The following ADGRA3 variants were observed in gnomAD, a reference collection of about 807,000 sequenced individuals.
ADGRA3 encodes the protein adhesion G protein-coupled receptor A3, also known as G-protein coupled receptor 125.
ADGRA3 carries 56 observed loss-of-function variants against 119.8 expected under a neutral mutation model. That is an observed-to-expected ratio of 0.47 (90% CI 0.38 to 0.58). The LOEUF is 0.58. Among genes scored for constraint, ADGRA3 ranks in the 20% least tolerant of loss-of-function variants. ADGRA3 has a pLI of 0.00. For synonymous variants in ADGRA3, 607 were observed against 623.8 expected (o/e 0.97, Z 0.40); for missense variants, 1,516 against 1,649.0 (o/e 0.92, Z 1.40).
At chr4:22,507,003 C>G (rs1429270700) in intron 1 of ADGRA3, among the ~76,000 whole-genome samples, 1 of 151,926 alleles carries the variant, frequency 6.6e-6, no homozygotes, top group Admixed American at 6.6e-5. Context: ...TTTGGGAGGT[C>G]AAGGCGGGCG....
chr4:22,496,947 T>C (rs6837010), intron 1 of ADGRA3, among the ~76,000 whole-genome samples: 149,841 of 152,260 alleles, frequency 0.98, 73,781 homozygotes, highest in Middle Eastern at 1. Flanking sequence ...CTTCCAATAC[T>C]TACTCCCAAT....
chr4:22,451,297 C>G (rs1577356910), intron 4 of ADGRA3, among the ~76,000 whole-genome samples: 2 of 151,600 alleles, frequency 1.3e-5, no homozygotes, highest in Admixed American at 1.3e-4. Flanking sequence ...AAATTTTGAT[C>G]TGTAGATCTC....
intron 16 of ADGRA3, among the ~76,000 whole-genome samples, chr4:22,398,679 A>G (rs1323926818): frequency 1.3e-5 from 2 of 151,986 alleles, no homozygotes; most frequent in Non-Finnish European, 1.5e-5. Context: ...TATCGGACTT[A>G]CTTTTCAACT....
intron 15 of ADGRA3, among the ~76,000 whole-genome samples, chr4:22,402,103 T>G (rs1714687938): frequency 6.6e-6 from 1 of 152,166 alleles, no homozygotes; most frequent in African/African-American, 2.4e-5. Context: ...GGAAGACACA[T>G]TCTAGCAAAA....
chr4:22,508,883 C>T (rs1375888523), intron 1 of ADGRA3, among the ~76,000 whole-genome samples: 2 of 152,152 alleles, frequency 1.3e-5, no homozygotes, highest in Non-Finnish European at 2.9e-5. Context: ...TTCCTCTTGG[C>T]CCATTTTCCC....
At chr4:22,390,333 T>TAC (rs1210809653) in intron 17 of ADGRA3, among the ~76,000 whole-genome samples, 2 of 131,996 alleles carry the variant, frequency 1.5e-5, no homozygotes, top group East Asian at 6.0e-4. Flanking sequence ...TATATATATA[T>TAC]ATATAAAATA....
intron 16 of ADGRA3, chr4:22,394,054 G>A (rs1219832864): frequency 1.3e-5 from 2 of 152,236 alleles, no homozygotes; most frequent in Admixed American, 1.3e-4. Context: ...TGTCACTGGA[G>A]TATCAAGGAC....
At chr4:22,459,071 G>A (rs1461711607) in intron 3 of ADGRA3, among the ~76,000 whole-genome samples, 1 of 152,098 alleles carries the variant, frequency 6.6e-6, no homozygotes, top group Non-Finnish European at 1.5e-5. Context: ...GACCCTTAAG[G>A]CTGCCTGAGA....
At chr4:22,465,474 G>A (rs1333616438) in intron 2 of ADGRA3, among the ~76,000 whole-genome samples, 1 of 152,164 alleles carries the variant, frequency 6.6e-6, no homozygotes, top group Non-Finnish European at 1.5e-5. Flanking sequence ...CGGCCCTGTT[G>A]CTACAATCTG....
At chr4:22,470,799 G>C (rs1168303276) in intron 2 of ADGRA3, among the ~76,000 whole-genome samples, 1 of 152,188 alleles carries the variant, frequency 6.6e-6, no homozygotes, top group Non-Finnish European at 1.5e-5. Context: ...AGTGGGAAGT[G>C]AGAAAAGAGA....
intron 7 of ADGRA3, among the ~76,000 whole-genome samples, chr4:22,440,999 T>C (rs1716590857): frequency 6.6e-6 from 1 of 152,192 alleles, no homozygotes; most frequent in Non-Finnish European, 1.5e-5. Context: ...AATTATAAAA[T>C]GACAATCATT....
In ADGRA3 at chr4:22,388,311, C is replaced by A. The variant is rs564337647; in HGVS notation, c.3360G>T (p.Ala1120=). 5 of 1,613,986 alleles carry A rather than the reference C, an allele frequency of 3.1e-6. No homozygotes were observed. The African/African-American group carries it at 6.7e-5, about 22-fold the overall frequency. ...AATTGGCATGGCACTGAGCTGCAGC[C>A]GCCTGCAAGTTTGTTAATTTGCAGC... The part of the protein sequence containing the change: ...SQGCKLTNLQ[A]AAAQCHANSL... The change falls in exon 19 of 19, where the codon GCG becomes GCT. Residue 1120 remains alanine, a synonymous_variant. Transcript: ENST00000334304.
At chr4:22,490,919 G>T (rs1005117991) in intron 1 of ADGRA3, among the ~76,000 whole-genome samples, 1 of 152,156 alleles carries the variant, frequency 6.6e-6, no homozygotes, top group African/African-American at 2.4e-5. Flanking sequence ...GGAGTGAGCA[G>T]ATCCTCTAGT....
Position 22,495,673 on chromosome 4 carries a change from C to G in ADGRA3, c.257+19855G>C, listed in dbSNP as rs540181878. ...CCTGTAATCCCAGCACTTTGGGAGG[C>G]CAGGGCGGGTGGATGACGAGGTCAG... On this transcript the variant is annotated intron_variant, in intron 1 of 18. Coordinates refer to ENST00000334304, the MANE Select transcript of ADGRA3 (RefSeq NM_145290.4). Among the ~76,000 whole-genome samples, 4 of 152,042 alleles carry G rather than the reference C, an allele frequency of 2.6e-5. No individual in the cohort carries two copies. In the South Asian group the frequency reaches 8.3e-4, roughly 32 times the overall value.
intron 9 of ADGRA3, among the ~76,000 whole-genome samples, chr4:22,436,238 G>A (rs1716385665): frequency 6.6e-6 from 1 of 151,844 alleles, no homozygotes; most frequent in South Asian, 2.1e-4. Flanking sequence ...GGGAGATGGT[G>A]ACTGCAAAGG....
At chr4:22,401,240 A>T (rs1714624588) in intron 16 of ADGRA3, among the ~76,000 whole-genome samples, 191 bp downstream of exon 16, 1 of 152,232 alleles carries the variant, frequency 6.6e-6, no homozygotes, top group East Asian at 1.9e-4. Flanking sequence ...TGTTTAAGTT[A>T]TATATTCAGT....
At chr4:22,470,373 A>C (rs1717815846) in intron 2 of ADGRA3, among the ~76,000 whole-genome samples, 1 of 151,876 alleles carries the variant, frequency 6.6e-6, no homozygotes, top group Admixed American at 6.6e-5. Context: ...AAGCACACAC[A>C]CACACTGCTA....
chr4:22,497,521 C>T (rs1718878861), intron 1 of ADGRA3, among the ~76,000 whole-genome samples: 2 of 152,032 alleles, frequency 1.3e-5, no homozygotes, highest in South Asian at 4.2e-4. Context: ...CCAGAGTTCA[C>T]CTATTAAAAG....
intron 1 of ADGRA3, among the ~76,000 whole-genome samples, chr4:22,484,605 CAA>C (rs200272320): frequency 3.9e-4 from 39 of 98,800 alleles, no homozygotes; most frequent in Non-Finnish European, 4.9e-4. Context: ...ACCCTGTTTC[CAA>C]AAAAAAAAAA....
Sources: gnomAD v4.1 joint callset for allele counts (sites outside exome capture counted in the v4.1 genomes callset) on GRCh38, gnomAD v4.1.1 for gene constraint, MANE v1.5 for transcripts, NCBI Gene and HGNC (gene_info 2026-07-23, HGNC 2026-07-21) for gene names.